The following PLEKHH2 variants were observed in gnomAD, a reference collection of about 807,000 sequenced individuals.
PLEKHH2 encodes the protein pleckstrin homology domain-containing family H member 2.
Under a neutral mutation model 187.9 loss-of-function variants are expected in PLEKHH2, and 129 were observed. The ratio of observed to expected loss-of-function variants is 0.69; its 90% CI spans 0.59 to 0.79. PLEKHH2 has a LOEUF of 0.79. Among genes scored for constraint, PLEKHH2 ranks in the 30% least tolerant of loss-of-function variants. The pLI, the probability that PLEKHH2 is intolerant of heterozygous loss-of-function variation, is 0.00. For missense variants in PLEKHH2, 2,076 were observed against 1,751.2 expected (o/e 1.19, Z -3.31); for synonymous variants, 686 against 605.6 (o/e 1.13, Z -1.95).
chr2:43,647,705 G>A (rs1666249167), intron 2 of PLEKHH2, among the ~76,000 whole-genome samples: 1 of 152,096 alleles, frequency 6.6e-6, no homozygotes, highest in Non-Finnish European at 1.5e-5. Flanking sequence ...TTGGTTTTGT[G>A]TTAGCACCAG....
intron 1 of PLEKHH2, among the ~76,000 whole-genome samples, chr2:43,639,527 C>A (rs1043674753): frequency 6.6e-6 from 1 of 152,102 alleles, no homozygotes; most frequent in Non-Finnish European, 1.5e-5. Context: ...CAATATGTGG[C>A]CTTTTGTGTC....
chr2:43,650,296 C>G (rs1412516237), intron 2 of PLEKHH2, among the ~76,000 whole-genome samples: 4 of 151,808 alleles, frequency 2.6e-5, no homozygotes, highest in African/African-American at 9.7e-5. Flanking sequence ...CCATGCCCAG[C>G]TAATTTTTGT....
At chr2:43,710,386 G>A (rs559686170) in intron 13 of PLEKHH2, 56 bp downstream of exon 13, 44 of 1,586,430 alleles carry the variant, frequency 2.8e-5, no homozygotes, top group Admixed American at 2.3e-4. Context: ...TAAATCAGAC[G>A]CCTGATTGAT....
intron 3 of PLEKHH2, among the ~76,000 whole-genome samples, chr2:43,688,405 G>T (rs1406210302): frequency 6.6e-6 from 1 of 152,170 alleles, no homozygotes; most frequent in East Asian, 1.9e-4. Context: ...AGGAATCTTT[G>T]TCATGCCACA....
At chr2:43,746,993 T>C (rs1671806349) in intron 24 of PLEKHH2, among the ~76,000 whole-genome samples, 1 of 151,954 alleles carries the variant, frequency 6.6e-6, no homozygotes, top group South Asian at 2.1e-4. Flanking sequence ...AGGAGATACC[T>C]ATGTCCTATG....
In PLEKHH2 at chr2:43,722,117, A is replaced by T. The variant is rs887281985; in HGVS notation, c.2541+1368A>T. 8.6e-5 allele frequency among the ~76,000 whole-genome samples: 13 copies of T among 151,382 alleles called. No homozygotes were observed. In the East Asian group the frequency reaches 1.6e-3, roughly 18 times the overall value. On this transcript the variant is annotated intron_variant, in intron 16 of 29. Coordinates refer to ENST00000282406, the MANE Select transcript of PLEKHH2 (RefSeq NM_172069.4). ...AAAAAAAAAAAAAAATTAGCCAGGC[A>T]TGGTGATGCATGCTTGTAGTCCTGG...
chr2:43,709,785 G>A (rs1310654998), intron 11 of PLEKHH2, among the ~76,000 whole-genome samples: 30 of 152,258 alleles, frequency 2.0e-4, no homozygotes, highest in East Asian at 7.7e-4. Context: ...GCAGTGAGCC[G>A]AGATTGTGCC....
chr2:43,712,232 C>G lies in PLEKHH2; in HGVS notation c.2309C>G (p.Thr770Ser). Residue 770 changes from threonine (T) to serine (S), a missense_variant, in exon 15 of 30, where the codon ACT becomes AGT. Coordinates refer to ENST00000282406, the MANE Select transcript of PLEKHH2 (RefSeq NM_172069.4). The stretch of plus-strand genomic sequence containing the variant: ...TTTCTCGTTGCATTCTAGTTGACCA[C>G]TGAAAAACACACATACTATCTGACT... ...GDNKQTVQLTTEKHTYYLTAD... is the reference protein window; with the variant it reads ...GDNKQTVQLTSEKHTYYLTAD... The G allele has an allele frequency of 6.2e-7, 1 of 1,612,672 alleles. No individual in the cohort carries two copies. Among genetic ancestry groups the G allele is most frequent in the Non-Finnish European group, 8.5e-7 (1 of 1,178,746 alleles).
At chr2:43,685,020 C>T (rs1026163864) in intron 3 of PLEKHH2, among the ~76,000 whole-genome samples, 2 of 152,204 alleles carry the variant, frequency 1.3e-5, no homozygotes, top group African/African-American at 4.8e-5. Context: ...GATGAATTCT[C>T]ATGCACTGAT....
At chr2:43,739,344 C>T (rs947155759) in intron 20 of PLEKHH2, among the ~76,000 whole-genome samples, 3 of 152,116 alleles carry the variant, frequency 2.0e-5, no homozygotes, top group African/African-American at 7.2e-5. Context: ...TTTATTAGTG[C>T]AGTTGAATAT....
At chr2:43,710,434 CTTA>C in intron 13 of PLEKHH2, 52 bp from the exon 14 acceptor site, 2 of 1,583,282 alleles carry the variant, frequency 1.3e-6, no homozygotes, top group Non-Finnish European at 1.7e-6. Context: ...CAAAGCATTC[CTTA>C]TTATTACTGT....
chr2:43,707,364 G>A, intron 10 of PLEKHH2, 37 bp from the exon 11 acceptor site: 2 of 1,612,680 alleles, frequency 1.2e-6, no homozygotes, highest in Non-Finnish European at 1.7e-6. Flanking sequence ...GGTAACATTA[G>A]GGATGGATAC....
intron 2 of PLEKHH2, chr2:43,675,407 A>G: frequency 6.2e-7 from 1 of 1,602,724 alleles, no homozygotes; most frequent in Non-Finnish European, 8.5e-7. Flanking sequence ...GGAGGCAAGA[A>G]AACGAGTGTG....
At chr2:43,658,224 C>A (rs188394362) in intron 2 of PLEKHH2, among the ~76,000 whole-genome samples, 1 of 152,242 alleles carries the variant, frequency 6.6e-6, no homozygotes, top group East Asian at 1.9e-4. Context: ...CTGCTCCTTC[C>A]CATTACTTTG....
rs528073834 is a variant in PLEKHH2, at chr2:43,657,614, A to C, written c.123+12818A>C. Among the ~76,000 whole-genome samples the C allele has an allele frequency of 4.5e-3, 678 of 152,334 alleles. 2 individuals carry two copies. Among genetic ancestry groups the C allele is most frequent in the Non-Finnish European group, 7.4e-3 (505 of 68,022 alleles). ...TTGATGGAGGACATCCCATGGAAAA[A>C]GAGCACATGGGATAGGAGTTACTGG... On this transcript the variant is annotated intron_variant, in intron 2 of 29. Coordinates refer to ENST00000282406, the MANE Select transcript of PLEKHH2 (RefSeq NM_172069.4).
intron 2 of PLEKHH2, among the ~76,000 whole-genome samples, chr2:43,654,891 G>A (rs1381746101): frequency 6.6e-6 from 1 of 152,138 alleles, no homozygotes; most frequent in Non-Finnish European, 1.5e-5. Flanking sequence ...GTTGGGCACA[G>A]TGGCACACGC....
At chr2:43,694,558 T>G (rs755913767) in intron 5 of PLEKHH2, 44 bp downstream of exon 5, 4 of 1,482,146 alleles carry the variant, frequency 2.7e-6, no homozygotes, top group Non-Finnish European at 3.6e-6. Context: ...CTTTTACTTC[T>G]TTTGAATTGA....
chr2:43,659,950 G>C (rs1391975638), intron 2 of PLEKHH2, among the ~76,000 whole-genome samples: 1 of 152,068 alleles, frequency 6.6e-6, no homozygotes, highest in African/African-American at 2.4e-5. Flanking sequence ...AAAGAGTTTT[G>C]GCAAATATAT....
intron 20 of PLEKHH2, among the ~76,000 whole-genome samples, chr2:43,740,433 C>T (rs922889592): frequency 1.3e-4 from 20 of 152,038 alleles, no homozygotes; most frequent in African/African-American, 3.4e-4. Context: ...CAGAACAGAG[C>T]GAAGGAAAAA....
Sources: allele counts gnomAD v4.1 joint callset (sites outside exome capture counted in the v4.1 genomes callset), GRCh38; gene constraint gnomAD v4.1.1; transcripts MANE v1.5; gene names NCBI Gene and HGNC (gene_info 2026-07-23, HGNC 2026-07-21).